PAICS: variants seen among roughly 807,000 people sequenced by gnomAD.
PAICS encodes the protein bifunctional phosphoribosylaminoimidazole carboxylase/phosphoribosylaminoimidazole succinocarboxamide synthetase.
A neutral mutation model predicts 53.7 loss-of-function variants in PAICS; 33 were observed. That is an observed-to-expected ratio of 0.61 (90% CI 0.47 to 0.82). The LOEUF is 0.82. Among genes scored for constraint, PAICS ranks in the 40% least tolerant of loss-of-function variants. The pLI, the probability that PAICS is intolerant of heterozygous loss-of-function variation, is 0.00. For missense variants in PAICS, 394 were observed against 494.1 expected, an observed-to-expected ratio of 0.80 and a Z score of 1.92; for synonymous variants, 141 against 167.2, an observed-to-expected ratio of 0.84 and a Z score of 1.21.
upstream of PAICS, among the ~76,000 whole-genome samples, chr4:56,433,600 G>A (rs1717722635): frequency 6.6e-6 from 1 of 151,716 alleles, no homozygotes; most frequent in Non-Finnish European, 1.5e-5. Context: ...TAAATATAGT[G>A]AAGTACAGTT....
chr4:56,417,605 A>AC, the PAICS span, among the ~76,000 whole-genome samples: 3 of 152,046 alleles, frequency 2.0e-5, no homozygotes, highest in Non-Finnish European at 4.4e-5. Flanking sequence ...ACACAGTGAG[A>AC]CCCCATGCCT....
chr4:56,438,257 T>C (rs1210147922), intron 1 of PAICS, among the ~76,000 whole-genome samples: 1 of 151,718 alleles, frequency 6.6e-6, no homozygotes, highest in Non-Finnish European at 1.5e-5. Flanking sequence ...ATATACATTT[T>C]ATTTATATTA....
rs961327126 is a variant in PAICS at position 56,461,830 on chromosome 4, G to A, written c.*2292G>A. On this transcript the variant is annotated 3_prime_UTR_variant, in exon 9 of 9. Coordinates refer to ENST00000512576, the MANE Select transcript of PAICS (RefSeq NM_001079524.2). ...TATTTATACTTTCTACGGGCTTGTA[G>A]GTAAACATAAAAAGAGAAAAAATAT... 5 of 152,044 alleles carry A rather than the reference G, an allele frequency of 3.3e-5. No homozygotes were observed. The South Asian group carries it at 8.3e-4, about 25-fold the overall frequency. 9.4% of individuals were successfully genotyped at this position (152,044 alleles called of 1,614,324 possible). A position where few individuals can be genotyped will look rare whatever the true frequency, so the allele number is the denominator to read the frequency against.
intron 1 of PAICS, among the ~76,000 whole-genome samples, chr4:56,438,279 A>G (rs976405650): frequency 6.6e-6 from 1 of 150,760 alleles, no homozygotes; most frequent in East Asian, 1.9e-4. Context: ...TTTTCCCAGA[A>G]CATTGCTGGC....
the PAICS span, chr4:56,429,064 C>A: frequency 2.7e-6 from 1 of 367,168 alleles, no homozygotes; most frequent in Non-Finnish European, 3.8e-6. Context: ...GTTGCTTTTT[C>A]CTGATAACAG....
intron 2 of PAICS, among the ~76,000 whole-genome samples, chr4:56,443,026 C>G (rs1718417422): frequency 6.6e-6 from 1 of 152,132 alleles, no homozygotes; most frequent in South Asian, 2.1e-4. Flanking sequence ...TTTAAAGGAT[C>G]TTCCAGAGTT....
At chr4:56,449,921 G>A (rs1159290336) in intron 5 of PAICS, among the ~76,000 whole-genome samples, 1 of 151,242 alleles carries the variant, frequency 6.6e-6, no homozygotes, top group Non-Finnish European at 1.5e-5. Flanking sequence ...GTTGCAGTGA[G>A]CCGAGATTGT....
chr4:56,438,580 C>T (rs1169953834), intron 1 of PAICS, among the ~76,000 whole-genome samples: 2 of 151,514 alleles, frequency 1.3e-5, no homozygotes, highest in Non-Finnish European at 2.9e-5. Context: ...ATTACAGGCA[C>T]ACTCCACCAC....
At chr4:56,456,214 C>A (rs902034111) in intron 8 of PAICS, among the ~76,000 whole-genome samples, 3 of 152,154 alleles carry the variant, frequency 2.0e-5, no homozygotes, top group African/African-American at 7.2e-5. Context: ...GCCTCAACCT[C>A]CTGAGTACCT....
chr4:56,441,008 C>G (rs906336403), intron 1 of PAICS, among the ~76,000 whole-genome samples: 1 of 152,164 alleles, frequency 6.6e-6, no homozygotes, highest in Non-Finnish European at 1.5e-5. Context: ...CAATTTCTTA[C>G]AACTGTTAGT....
In PAICS at chr4:56,459,754, T is replaced by C. The variant is rs1560667058; in HGVS notation, c.*216T>C. ...AAGATATTTCAGCCAGCCTTTATCA[T>C]TCCTCTTACTTTATCCTTTTTCCTT... is the stretch of plus-strand genomic sequence containing the variant. On this transcript the variant is annotated 3_prime_UTR_variant, in exon 9 of 9. Coordinates refer to ENST00000512576, the MANE Select transcript of PAICS (RefSeq NM_001079524.2). 5 of 442,524 alleles carry C rather than the reference T, an allele frequency of 1.1e-5. No individual in the cohort carries two copies. In the East Asian group the frequency reaches 1.7e-4, roughly 15 times the overall value. The allele number at this position is 442,524 out of a possible 1,614,324, so 27.4% of individuals were successfully genotyped here. A position where few individuals can be genotyped will look rare whatever the true frequency, so the allele number is the denominator to read the frequency against.
the PAICS span, among the ~76,000 whole-genome samples, chr4:56,425,680 T>A: frequency 7.9e-5 from 12 of 152,290 alleles, no homozygotes; most frequent in African/African-American, 2.6e-4. Flanking sequence ...CTAGGTGGGT[T>A]CCCAGATAGC....
At chr4:56,435,952 T>A, upstream of PAICS, 2 of 1,507,126 alleles carry the variant, frequency 1.3e-6, no homozygotes, top group Non-Finnish European at 1.8e-6. Flanking sequence ...TCTGAGTCGC[T>A]CCCGCAGCCG....
chr4:56,457,464 T>G (rs1275692553), intron 8 of PAICS, among the ~76,000 whole-genome samples: 2 of 152,124 alleles, frequency 1.3e-5, no homozygotes, highest in East Asian at 3.9e-4. Context: ...AAGAGGCAGT[T>G]ACTCAGGTAG....
intron 3 of PAICS, among the ~76,000 whole-genome samples, chr4:56,447,639 A>G (rs575339610): frequency 7.9e-5 from 12 of 152,324 alleles, no homozygotes; most frequent in African/African-American, 2.9e-4. Flanking sequence ...GATGACTGTT[A>G]TTAAGGAAAA....
the PAICS span, chr4:56,421,396 T>C: frequency 6.6e-6 from 1 of 152,402 alleles, no homozygotes; most frequent in Non-Finnish European, 1.5e-5. Flanking sequence ...TGTAATGCAC[T>C]TGAATCCTCC....
At chr4:56,455,658 TAGA>T (rs1156612687) in intron 8 of PAICS, among the ~76,000 whole-genome samples, 1 of 152,220 alleles carries the variant, frequency 6.6e-6, no homozygotes, top group Non-Finnish European at 1.5e-5. Flanking sequence ...AGTTTAGAAA[TAGA>T]ATCCTATGCT....
chr4:56,435,914 G>A (rs1023845080), upstream of PAICS: 2 of 1,492,054 alleles, frequency 1.3e-6, no homozygotes, highest in East Asian at 5.8e-5. Context: ...GCTTCCCCCA[G>A]GCCGTCAAGA....
At position 56,453,594 on chromosome 4, in the gene PAICS, T is replaced by A. The variant is rs775136932; in HGVS notation, c.953-9T>A. The A allele has an allele frequency of 3.2e-6, 5 of 1,574,586 alleles. No homozygotes were observed. In the South Asian group the frequency reaches 5.8e-5, roughly 18 times the overall value. On this transcript the variant is annotated splice_polypyrimidine_tract_variant and intron_variant, in intron 7 of 8. Transcript: ENST00000512576. The stretch of plus-strand genomic sequence containing the variant: ...GTTTAGCATAATTATACTCTTGTCA[T>A]TTCCCTAGGGGATGGCATTCCTACT...
Sources: allele counts gnomAD v4.1 joint callset (sites outside exome capture counted in the v4.1 genomes callset), GRCh38; gene constraint gnomAD v4.1.1; transcripts MANE v1.5; gene names NCBI Gene and HGNC (gene_info 2026-07-23, HGNC 2026-07-21).